Variants in LUZP2 observed in about 807,000 individuals in gnomAD.
LUZP2 encodes the protein leucine zipper protein 2.
In LUZP2, 52 loss-of-function variants were observed where a neutral mutation model predicts 51.6. That is an observed-to-expected ratio of 1.01 (90% confidence interval 0.81 to 1.27). LUZP2 has a LOEUF of 1.27. Among genes scored for constraint, LUZP2 ranks in the 50% most tolerant of loss-of-function variants. LUZP2 has a pLI of 0.00. For synonymous variants in LUZP2, 154 were observed against 137.3 expected (o/e 1.12, Z -0.85); for missense variants, 436 against 395.4 (o/e 1.10, Z -0.87).
chr11:24,618,201 C>T (rs1854359370), intron 1 of LUZP2, among the ~76,000 whole-genome samples: 1 of 152,136 alleles, frequency 6.6e-6, no homozygotes, highest in Non-Finnish European at 1.5e-5. Context: ...CTCCACTAGG[C>T]CACATGTGGA....
intron 9 of LUZP2, among the ~76,000 whole-genome samples, chr11:24,983,972 G>T (rs2133915985): frequency 6.6e-6 from 1 of 151,696 alleles, no homozygotes; most frequent in East Asian, 1.9e-4. Flanking sequence ...AACATTTAAT[G>T]GTGCTTTTGT....
At chr11:24,656,363 T>G (rs1855803805) in intron 1 of LUZP2, among the ~76,000 whole-genome samples, 1 of 152,136 alleles carries the variant, frequency 6.6e-6, no homozygotes, top group African/African-American at 2.4e-5. Context: ...AATAAATGAG[T>G]TGGTAATCAG....
At chr11:24,572,877 A>C (rs1023595313) in intron 1 of LUZP2, among the ~76,000 whole-genome samples, 3 of 152,068 alleles carry the variant, frequency 2.0e-5, no homozygotes, top group Non-Finnish European at 4.4e-5. Context: ...AAGAAGAAAA[A>C]TCTGTTTTTT....
intron 1 of LUZP2, among the ~76,000 whole-genome samples, chr11:24,709,922 T>C (rs1320146554): frequency 6.6e-6 from 1 of 152,192 alleles, no homozygotes; most frequent in Admixed American, 6.5e-5. Context: ...CTCAGCTGTT[T>C]ATCAGATCCT....
intron 1 of LUZP2, among the ~76,000 whole-genome samples, chr11:24,682,175 G>A (rs1256812891): frequency 6.6e-6 from 1 of 152,078 alleles, no homozygotes; most frequent in East Asian, 1.9e-4. Flanking sequence ...GGTAAAGACT[G>A]TGCAACTAAT....
At chr11:24,841,886 A>G (rs1306594445) in intron 5 of LUZP2, among the ~76,000 whole-genome samples, 1 of 152,090 alleles carries the variant, frequency 6.6e-6, no homozygotes, top group Non-Finnish European at 1.5e-5. Context: ...CTGGATTACA[A>G]CAAATGTTAT....
chr11:24,919,983 C>G (rs1565108734), intron 7 of LUZP2, among the ~76,000 whole-genome samples: 1 of 151,690 alleles, frequency 6.6e-6, no homozygotes, highest in Non-Finnish European at 1.5e-5. Context: ...ACAACCATGA[C>G]AAGTTGTGTT....
chr11:25,029,736 CA>C (rs372357127), intron 9 of LUZP2, among the ~76,000 whole-genome samples: 2,781 of 114,490 alleles, frequency 0.024, 32 homozygotes, highest in Non-Finnish European at 0.036. Context: ...GACTCTGTCT[CA>C]AAAAAAAAAA....
At chr11:24,880,819 A>G (rs1378415553) in intron 5 of LUZP2, among the ~76,000 whole-genome samples, 3 of 152,050 alleles carry the variant, frequency 2.0e-5, no homozygotes, top group Non-Finnish European at 4.4e-5. Context: ...ACCCAATGCT[A>G]GACACCTATT....
intron 1 of LUZP2, among the ~76,000 whole-genome samples, chr11:24,587,264 G>T (rs974133481): frequency 2.0e-5 from 3 of 152,124 alleles, no homozygotes; most frequent in African/African-American, 7.2e-5. Context: ...GAAAGCCTTG[G>T]AGAGAGATTC....
At chr11:24,681,268 A>T (rs1856729011) in intron 1 of LUZP2, among the ~76,000 whole-genome samples, 1 of 152,184 alleles carries the variant, frequency 6.6e-6, no homozygotes, top group Non-Finnish European at 1.5e-5. Context: ...GGTGTGAGCC[A>T]CCGCGCCCGG....
chr11:24,845,066 C>T (rs1564978908), intron 5 of LUZP2, among the ~76,000 whole-genome samples: 1 of 152,106 alleles, frequency 6.6e-6, no homozygotes, highest in Non-Finnish European at 1.5e-5. Context: ...ATCCTCCAGA[C>T]CTTAGATTGG....
chr11:24,901,610 T>G (rs2133779660), intron 5 of LUZP2, among the ~76,000 whole-genome samples: 1 of 152,298 alleles, frequency 6.6e-6, no homozygotes, highest in South Asian at 2.1e-4. Context: ...GGCCTTTTCC[T>G]CAGGTCTTGT....
chr11:24,571,642 GA>G (rs1852446542), intron 1 of LUZP2, among the ~76,000 whole-genome samples: 1 of 152,092 alleles, frequency 6.6e-6, no homozygotes, highest in Admixed American at 6.6e-5. Context: ...TTGGTGTATG[GA>G]AAAAGCAACA....
At chr11:24,663,603 C>A (rs910443961) in intron 1 of LUZP2, among the ~76,000 whole-genome samples, 18 of 152,000 alleles carry the variant, frequency 1.2e-4, no homozygotes, top group Admixed American at 7.9e-4. Flanking sequence ...TCTTTCAAAT[C>A]TTTGTAATAT....
chr11:24,526,549 C>A (rs980965500), intron 1 of LUZP2, among the ~76,000 whole-genome samples: 6 of 150,678 alleles, frequency 4.0e-5, no homozygotes, highest in Non-Finnish European at 4.5e-5. Context: ...GATCTATGAT[C>A]ACAAAATTAT....
At chr11:24,543,019 TAAAAG>T (rs1473553878) in intron 1 of LUZP2, among the ~76,000 whole-genome samples, 2 of 151,508 alleles carry the variant, frequency 1.3e-5, no homozygotes, top group Non-Finnish European at 2.9e-5. Context: ...TTAAAATAAA[TAAAAG>T]AAGGAATCTT....
intron 1 of LUZP2, among the ~76,000 whole-genome samples, chr11:24,556,262 G>T (rs1851866546): frequency 6.6e-6 from 1 of 151,924 alleles, no homozygotes; most frequent in Non-Finnish European, 1.5e-5. Context: ...GTTTTGTGAA[G>T]AACTATGCCA....
At chr11:24,506,153 G>C (rs1850140786) in intron 1 of LUZP2, among the ~76,000 whole-genome samples, 1 of 152,110 alleles carries the variant, frequency 6.6e-6, no homozygotes, top group African/African-American at 2.4e-5. Context: ...AGAGGGACTA[G>C]GATGGTAGAA....
Sources: gnomAD v4.1 joint callset for allele counts (sites outside exome capture counted in the v4.1 genomes callset) on GRCh38, gnomAD v4.1.1 for gene constraint, MANE v1.5 for transcripts, NCBI Gene and HGNC (gene_info 2026-07-23, HGNC 2026-07-21) for gene names.